The following LILRA2 variants were observed in gnomAD, a reference collection of about 807,000 sequenced individuals.
LILRA2 encodes leukocyte immunoglobulin-like receptor subfamily A member 2.
Under a neutral mutation model 47.9 loss-of-function variants are expected in LILRA2, and 45 were observed. The observed-to-expected ratio is 0.94, with a 90% CI of 0.74 to 1.20. The LOEUF (loss-of-function observed/expected upper bound fraction) is 1.20, where lower values mean the gene tolerates loss of function less well. LILRA2 is among the 50% of genes most tolerant of loss of function. The pLI, the probability that LILRA2 is intolerant of heterozygous loss-of-function variation, is 0.00. For missense variants in LILRA2, 651 were observed against 598.2 expected (o/e 1.09, Z -0.92); for synonymous variants, 279 against 249.2 (o/e 1.12, Z -1.13).
intron 6 of LILRA2, among the ~76,000 whole-genome samples, chr19:54,577,174 C>G (rs1253734670): frequency 3.9e-5 from 6 of 152,208 alleles, no homozygotes; most frequent in Admixed American, 3.9e-4. Context: ...GTTTACAAAA[C>G]CCCGCTGGTT....
rs750833662 is a variant in LILRA2 at position 54,587,224 on chromosome 19, G to A, written c.1330G>A (p.Asp444Asn). The change falls in exon 8 of 8, where the codon GAT (aspartate) becomes AAT (asparagine). Residue 444 changes from aspartate (D) to asparagine (N), a missense_variant. Physicochemically the swap from Asp to Asn is conservative, Grantham distance 23. Coordinates refer to ENST00000391738, the MANE Select transcript of LILRA2 (RefSeq NM_001130917.3). ...AGCATCCCTAGGCCAACACCCCCAG[G>A]ATTACACAGTGGAGAATCTCATCCG... ...TTTSLGQHPQ[D>N]YTVENLIRMG... The A allele has an allele frequency of 4.7e-5, 76 of 1,613,970 alleles. No individual in the cohort carries two copies. The highest frequency in any genetic ancestry group is 6.4e-5 in the Non-Finnish European group (75 of 1,180,012).
Sources: gnomAD v4.1 joint callset for allele counts (sites outside exome capture counted in the v4.1 genomes callset) on GRCh38, gnomAD v4.1.1 for gene constraint, MANE v1.5 for transcripts, NCBI Gene and HGNC (gene_info 2026-07-23, HGNC 2026-07-21) for gene names.